ST3GAL6: variants seen among roughly 807,000 people sequenced by gnomAD.
The protein encoded by ST3GAL6 is ST3 beta-galactoside alpha-2,3-sialyltransferase 6.
In ST3GAL6, 31 loss-of-function variants were observed where a neutral mutation model predicts 40.5. The ratio of observed to expected loss-of-function variants is 0.77; its 90% CI spans 0.58 to 1.03. The LOEUF (loss-of-function observed/expected upper bound fraction) is 1.03. Among genes scored for constraint, ST3GAL6 ranks in the 50% least tolerant of loss-of-function variants. The pLI is 0.00. For synonymous variants in ST3GAL6, 129 were observed against 136.9 expected (o/e 0.94, Z 0.40); for missense variants, 357 against 393.2 (o/e 0.91, Z 0.78).
At chr3:98,738,321 T>C (rs947103966) in intron 1 of ST3GAL6, among the ~76,000 whole-genome samples, 2 of 151,934 alleles carry the variant, frequency 1.3e-5, no homozygotes, top group African/African-American at 4.8e-5. Context: ...TTGAACAAGC[T>C]GAAATGCAGT....
chr3:98,754,474 G>A (rs828602), intron 1 of ST3GAL6, among the ~76,000 whole-genome samples: 70,667 of 152,078 alleles, frequency 0.46, 16,816 homozygotes, highest in Middle Eastern at 0.56. Context: ...GATGAAATCA[G>A]CTCCTAGTGA....
At chr3:98,770,041 A>T (rs1396592603) in intron 2 of ST3GAL6, among the ~76,000 whole-genome samples, 3 of 152,158 alleles carry the variant, frequency 2.0e-5, no homozygotes, top group Non-Finnish European at 2.9e-5. Context: ...AACTATGGGG[A>T]TTTTGTACCC....
At chr3:98,749,153 G>T (rs1323472832) in intron 1 of ST3GAL6, among the ~76,000 whole-genome samples, 1 of 152,160 alleles carries the variant, frequency 6.6e-6, no homozygotes. Flanking sequence ...ACCCTAGAAA[G>T]TGAAAACATT....
intron 1 of ST3GAL6, among the ~76,000 whole-genome samples, chr3:98,764,795 A>G (rs1938156065): frequency 6.6e-6 from 1 of 152,226 alleles, no homozygotes; most frequent in South Asian, 2.1e-4. Context: ...TAATACACCA[A>G]AAGCAATTAT....
At chr3:98,772,701 T>C (rs1013129575) in intron 3 of ST3GAL6, 112 bp from the exon 4 acceptor site, 7 of 596,040 alleles carry the variant, frequency 1.2e-5, no homozygotes, top group Admixed American at 8.3e-5. Flanking sequence ...CATTTTTGTA[T>C]AGCCAGTATA....
At chr3:98,791,727 T>C (rs559984122) in intron 8 of ST3GAL6, 114 bp from the exon 9 acceptor site, 1 of 950,948 alleles carries the variant, frequency 1.1e-6, no homozygotes, top group South Asian at 1.7e-5. Context: ...TAGTTATTTC[T>C]CTCCTTATTA....
chr3:98,738,150 C>T (rs1276520190), intron 1 of ST3GAL6, among the ~76,000 whole-genome samples: 6 of 144,244 alleles, frequency 4.2e-5, no homozygotes, highest in Non-Finnish European at 7.5e-5. Context: ...GCTTCCCCTT[C>T]ACCTTTTGCC....
chr3:98,733,450 G>C (rs1278511163), intron 1 of ST3GAL6: 34 of 992,512 alleles, frequency 3.4e-5, no homozygotes, highest in Non-Finnish European at 4.1e-5. Flanking sequence ...TTGTAAAAGG[G>C]TCTGTACGCG....
chr3:98,773,130 T>G (rs1939172175), intron 4 of ST3GAL6: 3 of 306,600 alleles, frequency 9.8e-6, no homozygotes, highest in Non-Finnish European at 1.2e-5. Context: ...CAGGGGTAGA[T>G]TTGTTGTTGT....
chr3:98,787,452 G>T (rs986123498), intron 6 of ST3GAL6, among the ~76,000 whole-genome samples: 2 of 152,200 alleles, frequency 1.3e-5, no homozygotes, highest in South Asian at 4.1e-4. Flanking sequence ...TTGGCTTTCA[G>T]CATACACAAA....
chr3:98,792,125 G>T (rs1941261182), intron 9 of ST3GAL6, 132 bp downstream of exon 9: 2 of 803,218 alleles, frequency 2.5e-6, no homozygotes, highest in African/African-American at 3.5e-5. Flanking sequence ...GCTTGATGGT[G>T]ATTACAGGGC....
At chr3:98,764,780 T>G (rs1487716001) in intron 1 of ST3GAL6, among the ~76,000 whole-genome samples, 1 of 152,202 alleles carries the variant, frequency 6.6e-6, no homozygotes. Context: ...CAGGATGTCA[T>G]GAGGTAATAC....
chr3:98,741,889 T>C (rs1460745232), intron 1 of ST3GAL6, among the ~76,000 whole-genome samples: 1 of 152,168 alleles, frequency 6.6e-6, no homozygotes, highest in African/African-American at 2.4e-5. Context: ...ATGTGAAGTG[T>C]CATTTGTGAC....
chr3:98,784,483 G>A (rs1420070750), intron 5 of ST3GAL6: 2 of 156,332 alleles, frequency 1.3e-5, no homozygotes, highest in Non-Finnish European at 2.8e-5. Flanking sequence ...TTCGAGGAGT[G>A]GGTAATGCTG....
At chr3:98,751,004 T>A (rs1200238393) in intron 1 of ST3GAL6, among the ~76,000 whole-genome samples, 1 of 152,008 alleles carries the variant, frequency 6.6e-6, no homozygotes, top group Non-Finnish European at 1.5e-5. Context: ...AGTATGACAG[T>A]GCTTGAGGTT....
chr3:98,791,202 GA>G (rs1346593445), intron 8 of ST3GAL6, among the ~76,000 whole-genome samples: 3 of 152,142 alleles, frequency 2.0e-5, no homozygotes, highest in African/African-American at 7.2e-5. Context: ...GTAAGATAAG[GA>G]AAGAGGATGC....
At chr3:98,790,550 A>G (rs1329961587) in intron 8 of ST3GAL6, among the ~76,000 whole-genome samples, 1 of 152,222 alleles carries the variant, frequency 6.6e-6, no homozygotes, top group Non-Finnish European at 1.5e-5. Context: ...GAAATTTACT[A>G]GTCAAACGTA....
At chr3:98,775,056 T>A (rs1939391638) in intron 5 of ST3GAL6, among the ~76,000 whole-genome samples, 1 of 152,194 alleles carries the variant, frequency 6.6e-6, no homozygotes, top group South Asian at 2.1e-4. Flanking sequence ...TTATGTTGAT[T>A]CTCTCTAATT....
chr3:98,734,451 G>A (rs145757955), intron 1 of ST3GAL6, among the ~76,000 whole-genome samples: 67 of 152,322 alleles, frequency 4.4e-4, no homozygotes, highest in African/African-American at 1.6e-3. Context: ...TCTAGAAAGT[G>A]TTGCATTGGT....
Sources: gnomAD v4.1 joint callset for allele counts (sites outside exome capture counted in the v4.1 genomes callset) on GRCh38, gnomAD v4.1.1 for gene constraint, MANE v1.5 for transcripts, NCBI Gene and HGNC (gene_info 2026-07-23, HGNC 2026-07-21) for gene names.